Variants in ALG12 observed in about 807,000 individuals in gnomAD.
The protein encoded by ALG12 is ALG12 alpha-1,6-mannosyltransferase.
In ALG12, 36 loss-of-function variants were observed where a neutral mutation model predicts 46.0. That is an observed-to-expected ratio of 0.78 (90% confidence interval 0.60 to 1.03). ALG12 has a LOEUF of 1.03. Ranked by LOEUF, ALG12 falls within the 50% of genes least tolerant of loss-of-function variation. ALG12 has a pLI of 0.00. For synonymous variants in ALG12, 326 were observed against 291.6 expected, an observed-to-expected ratio of 1.12 and a Z score of -1.20; for missense variants, 599 against 633.5, an observed-to-expected ratio of 0.95 and a Z score of 0.58.
the ALG12 span, among the ~76,000 whole-genome samples, chr22:49,867,083 T>C: frequency 6.6e-6 from 1 of 152,226 alleles, no homozygotes; most frequent in African/African-American, 2.4e-5. Context: ...CTGCATCTCA[T>C]CCATTTGGTG....
rs1319023220 is a variant in ALG12, at chr22:49,907,961, G to A, written c.769-17C>T. On this transcript the variant is annotated splice_polypyrimidine_tract_variant and intron_variant, in intron 6 of 9. Transcript: ENST00000330817. Reference sequence around the variant, plus strand: ...CGGGGAGGTCTGCGGGCTGGGTTAAGGAGGCCACGCACCTGTCCACGCATG... The same window carrying A: ...CGGGGAGGTCTGCGGGCTGGGTTAAAGAGGCCACGCACCTGTCCACGCATG... 6.2e-7 allele frequency: 1 copy of A among 1,609,646 alleles called. No homozygotes were observed.
chr22:49,887,319 T>C, the ALG12 span: 2 of 858,550 alleles, frequency 2.3e-6, no homozygotes, highest in Non-Finnish European at 3.6e-6. Flanking sequence ...CTCACCACAG[T>C]GTCTCCACGT....
At chr22:49,911,224 C>T (rs1467725438) in intron 3 of ALG12, among the ~76,000 whole-genome samples, 4 of 152,194 alleles carry the variant, frequency 2.6e-5, no homozygotes, top group African/African-American at 9.7e-5. Flanking sequence ...CTGGGTGGCT[C>T]TTGCTACCTT....
In ALG12 at chr22:49,905,846, A is replaced by G. The variant is rs2060539259; in HGVS notation, c.993-1340T>C. 6.6e-6 allele frequency among the ~76,000 whole-genome samples: 1 copy of G among 152,158 alleles called. No homozygotes were observed. On this transcript the variant is annotated intron_variant, in intron 7 of 9. Coordinates refer to ENST00000330817, the MANE Select transcript of ALG12 (RefSeq NM_024105.4). The surrounding 1 kb of genome is among the most constrained non-coding windows in gnomAD (Gnocchi z 4.9). ...TGAGCTCGAGGCCCCACCTAGGATG[A>G]CCGCAGCCTCCTAAGTGCCTGCCCC... is the stretch of plus-strand genomic sequence containing the variant.
the ALG12 span, among the ~76,000 whole-genome samples, chr22:49,860,329 A>C: frequency 6.6e-6 from 1 of 152,162 alleles, no homozygotes; most frequent in Non-Finnish European, 1.5e-5. Flanking sequence ...CAAAAAATAC[A>C]TATATATAGT....
rs1029419544 is a variant in ALG12 at position 49,900,962 on chromosome 22, G to A, written c.*2876C>T. On this transcript the variant is annotated 3_prime_UTR_variant, in exon 10 of 10. Transcript: ENST00000330817. The stretch of plus-strand genomic sequence containing the variant: ...CCACCAAAGGGAGCCAAGACCCACA[G>A]AGCAATGGCCGAGGCCAGAGGCCCA... The A allele has an allele frequency of 2.0e-5, 3 of 152,288 alleles. No homozygotes were observed. Among genetic ancestry groups the A allele is most frequent in the African/African-American group, 7.2e-5 (3 of 41,466 alleles). 9.4% of individuals were successfully genotyped at this position (152,288 alleles called of 1,614,324 possible). A position where few individuals can be genotyped will look rare whatever the true frequency, so the allele number is the denominator to read the frequency against.
rs776960704 is a variant in ALG12 at position 49,902,648 on chromosome 22, CTGTG to C, written c.*1186_*1189del. On this transcript the variant is annotated 3_prime_UTR_variant, in exon 10 of 10. Coordinates refer to ENST00000330817, the MANE Select transcript of ALG12 (RefSeq NM_024105.4). The stretch of plus-strand genomic sequence containing the variant: ...ATGCATGGTAATGTGCACGTGTGCA[CTGTG>C]TGGTGTGTATGCATGGTGTGTGCAC... 2 of 142,410 alleles carry C rather than the reference CTGTG, an allele frequency of 1.4e-5. No homozygotes were observed. The highest frequency in any genetic ancestry group is 2.7e-5 in the African/African-American group (1 of 37,238). The allele number at this position is 142,410 out of a possible 1,614,324, so 8.8% of individuals were successfully genotyped here.
At chr22:49,910,146 A>G in intron 4 of ALG12, 58 bp from the exon 5 acceptor site, 1 of 1,522,984 alleles carries the variant, frequency 6.6e-7, no homozygotes, top group Non-Finnish European at 8.9e-7. Flanking sequence ...GGCCCAGAAA[A>G]CACCCGGGGA....
chr22:49,884,218 T>C, the ALG12 span: 1 of 1,603,688 alleles, frequency 6.2e-7, no homozygotes, highest in Non-Finnish European at 8.5e-7. Context: ...CCCCTCTCCC[T>C]CACTCCTGCT....
At chr22:49,866,416 C>G in the ALG12 span, among the ~76,000 whole-genome samples, 1 of 151,750 alleles carries the variant, frequency 6.6e-6, no homozygotes, top group African/African-American at 2.4e-5. Flanking sequence ...TTGTGTTTCC[C>G]TTTCATTTAT....
chr22:49,900,339 T>G lies in ALG12; in HGVS notation c.*3499A>C, dbSNP rs1457353881. 7 of 152,206 alleles carry G rather than the reference T, an allele frequency of 4.6e-5. No individual in the cohort carries two copies. Among genetic ancestry groups the G allele is most frequent in the Non-Finnish European group, 1.0e-4 (7 of 68,056 alleles). The allele number at this position is 152,206 out of a possible 1,614,324, so 9.4% of individuals were successfully genotyped here. Reference sequence around the variant, plus strand: ...GGAGGTACAGGAGGGAGTGGCTCCCTGCATCTGTCTTCAGGGGCAGTTTTG... The same window carrying G: ...GGAGGTACAGGAGGGAGTGGCTCCCGGCATCTGTCTTCAGGGGCAGTTTTG... On this transcript the variant is annotated 3_prime_UTR_variant, in exon 10 of 10. Coordinates refer to ENST00000330817, the MANE Select transcript of ALG12 (RefSeq NM_024105.4).
At chr22:49,883,571 A>T in the ALG12 span, 1 of 1,426,804 alleles carries the variant, frequency 7.0e-7, no homozygotes, top group East Asian at 2.3e-5. Context: ...TATGACGAAA[A>T]AGTGAAGATA....
Position 49,902,925 on chromosome 22 carries a change from G to A in ALG12, c.*913C>T, listed in dbSNP as rs534748261. ...TGGTGTGTATGCATGGTGTGTGCAC[G>A]TGTGCACGGTGTGTGGTGTGTATGC... is the stretch of plus-strand genomic sequence containing the variant. On this transcript the variant is annotated 3_prime_UTR_variant, in exon 10 of 10. Transcript: ENST00000330817. 240 of 259,228 alleles carry A rather than the reference G, an allele frequency of 9.3e-4. No individual in the cohort carries two copies. The highest frequency in any genetic ancestry group is 5.6e-3 in the African/African-American group (225 of 40,504). The allele number at this position is 259,228 out of a possible 1,614,324, so 16.1% of individuals were successfully genotyped here. A position where few individuals can be genotyped will look rare whatever the true frequency, so the allele number is the denominator to read the frequency against.
At chr22:49,915,726 G>T (rs1426346003) in intron 1 of ALG12, among the ~76,000 whole-genome samples, 3 of 152,132 alleles carry the variant, frequency 2.0e-5, no homozygotes, top group African/African-American at 7.2e-5. Context: ...TTTGATGCTG[G>T]ATGATTTTTC....
Position 49,901,754 on chromosome 22 carries a change from G to A in ALG12, c.*2084C>T, listed in dbSNP as rs2060507632. ...GTGTGCACGTGCATTGTGCATGCGT[G>A]GTGTATGCATGGTAATGTGCACGTG... On this transcript the variant is annotated 3_prime_UTR_variant, in exon 10 of 10. Coordinates refer to ENST00000330817, the MANE Select transcript of ALG12 (RefSeq NM_024105.4). The A allele has an allele frequency of 1.2e-5, 1 of 81,602 alleles. No individual in the cohort carries two copies. The highest frequency in any genetic ancestry group is 1.5e-4 in the African/African-American group (1 of 6,888). 5.1% of individuals were successfully genotyped at this position (81,602 alleles called of 1,614,324 possible).
chr22:49,898,301 C>T (rs958219441), downstream of ALG12, among the ~76,000 whole-genome samples: 1 of 152,178 alleles, frequency 6.6e-6, no homozygotes, highest in Non-Finnish European at 1.5e-5. Flanking sequence ...AGCCACCACA[C>T]CTGACCCAGT....
chr22:49,907,496 G>A (rs891138872), intron 7 of ALG12, among the ~76,000 whole-genome samples: 1 of 152,188 alleles, frequency 6.6e-6, no homozygotes. Context: ...TTAAAAAACA[G>A]CCCTGGTGGC....
the ALG12 span, chr22:49,883,804 G>A: frequency 1.9e-6 from 3 of 1,613,308 alleles, no homozygotes; most frequent in Admixed American, 1.7e-5. Flanking sequence ...CGAGCAGGAG[G>A]ACATGAAGCA....
At chr22:49,871,014 A>G in the ALG12 span, among the ~76,000 whole-genome samples, 2 of 149,748 alleles carry the variant, frequency 1.3e-5, no homozygotes, top group Non-Finnish European at 2.9e-5. Flanking sequence ...AATCTTGGCT[A>G]ACTGCAACCT....
Sources: gnomAD v4.1 joint callset for allele counts (sites outside exome capture counted in the v4.1 genomes callset) on GRCh38, gnomAD v4.1.1 for gene constraint, Gnocchi (gnomAD v3.1) non-coding constraint, MANE v1.5 for transcripts, NCBI Gene and HGNC (gene_info 2026-07-23, HGNC 2026-07-21) for gene names.